The following BCR variants were observed in gnomAD, a reference collection of about 807,000 sequenced individuals.
BCR encodes breakpoint cluster region protein.
BCR carries 58 observed loss-of-function variants against 138.6 expected under a neutral mutation model. The observed-to-expected ratio is 0.42, with a 90% CI of 0.34 to 0.52. BCR has a LOEUF of 0.52. Ranked by LOEUF, BCR falls within the 20% of genes least tolerant of loss-of-function variation. The pLI is 0.06. For synonymous variants in BCR, 786 were observed against 730.1 expected (o/e 1.08, Z -1.23); for missense variants, 1,599 against 1,727.2 (o/e 0.93, Z 1.32).
At chr22:23,215,872 G>A (rs1347961422) in intron 1 of BCR, among the ~76,000 whole-genome samples, 18 of 152,328 alleles carry the variant, frequency 1.2e-4, no homozygotes. Flanking sequence ...TAGGGGACCA[G>A]TTAATCCAGG....
intron 1 of BCR, among the ~76,000 whole-genome samples, chr22:23,215,922 C>A (rs2072746622): frequency 6.6e-6 from 1 of 152,176 alleles, no homozygotes; most frequent in Non-Finnish European, 1.5e-5. Flanking sequence ...TTCCCCTTTC[C>A]TGTAAACATG....
At chr22:23,248,467 G>A (rs1325141878) in intron 1 of BCR, among the ~76,000 whole-genome samples, 1 of 151,994 alleles carries the variant, frequency 6.6e-6, no homozygotes, top group Non-Finnish European at 1.5e-5. Flanking sequence ...GTAGTCTAGG[G>A]GATGTGACCG....
intron 1 of BCR, among the ~76,000 whole-genome samples, chr22:23,237,680 C>T (rs1452267285): frequency 6.6e-6 from 1 of 152,198 alleles, no homozygotes; most frequent in Non-Finnish European, 1.5e-5. Flanking sequence ...GTGGCCTTTG[C>T]AGTGGGTCAG....
At chr22:23,233,299 C>G (rs1435432180) in intron 1 of BCR, among the ~76,000 whole-genome samples, 1 of 152,222 alleles carries the variant, frequency 6.6e-6, no homozygotes, top group South Asian at 2.1e-4. Context: ...TCCTGCCGGC[C>G]TTTCTCCTGG....
At chr22:23,290,687 G>GTTTGGCAAGGAC in intron 14 of BCR, 1 of 466,792 alleles carries the variant, frequency 2.1e-6, no homozygotes, top group Non-Finnish European at 4.0e-6. Context: ...AATTGCAGGG[G>GTTTGGCAAGGAC]TTTGGCAAGG....
rs544477058 is a variant in BCR at position 23,252,072 on chromosome 22, A to G, written c.1280-1727A>G. On this transcript the variant is annotated intron_variant, in intron 1 of 22. Transcript: ENST00000305877. ...TTACTCTGTATAACCAGATAGTCCC[A>G]ACAGGCAGGGGGCCTCTTGTAGGAT... Among the ~76,000 whole-genome samples, 6 of 152,336 alleles carry G rather than the reference A, an allele frequency of 3.9e-5. No individual in the cohort carries two copies. In the East Asian group the frequency reaches 1.2e-3, roughly 29 times the overall value.
chr22:23,186,457 C>T (rs2146195556), intron 1 of BCR, among the ~76,000 whole-genome samples: 1 of 152,348 alleles, frequency 6.6e-6, no homozygotes, highest in African/African-American at 2.4e-5. Context: ...GTGTTGACTA[C>T]ATTCACATTG....
intron 22 of BCR, 120 bp from the exon 23 acceptor site, chr22:23,315,313 C>T: frequency 3.7e-6 from 3 of 805,732 alleles, no homozygotes; most frequent in South Asian, 2.9e-5. Context: ...GGGTTCATGA[C>T]ACCAGCAGGG....
intron 1 of BCR, among the ~76,000 whole-genome samples, chr22:23,212,985 A>G (rs996179189): frequency 4.6e-5 from 7 of 152,182 alleles, no homozygotes; most frequent in Non-Finnish European, 1.0e-4. Flanking sequence ...CTCAAAAAGG[A>G]CAAGGACTGG....
intron 16 of BCR, among the ~76,000 whole-genome samples, chr22:23,301,705 C>T (rs2073903771): frequency 6.6e-6 from 1 of 152,248 alleles, no homozygotes; most frequent in African/African-American, 2.4e-5. Context: ...TCCTTTCCAG[C>T]TTCTCTGATC....
At chr22:23,300,879 C>G (rs903702687) in intron 16 of BCR, among the ~76,000 whole-genome samples, 3 of 152,184 alleles carry the variant, frequency 2.0e-5, no homozygotes, top group African/African-American at 7.2e-5. Flanking sequence ...CTCTGATGCC[C>G]CCACTGGAAC....
intron 1 of BCR, among the ~76,000 whole-genome samples, chr22:23,207,206 A>G (rs2072628104): frequency 6.6e-6 from 1 of 152,154 alleles, no homozygotes; most frequent in Non-Finnish European, 1.5e-5. Context: ...AGGAACCCAT[A>G]GACATATATT....
At chr22:23,244,588 G>A (rs973430740) in intron 1 of BCR, among the ~76,000 whole-genome samples, 2 of 152,158 alleles carry the variant, frequency 1.3e-5, no homozygotes, top group African/African-American at 4.8e-5. Flanking sequence ...TGATGCCCAC[G>A]TCACGTGACT....
chr22:23,223,567 CT>C (rs1278794736), intron 1 of BCR, among the ~76,000 whole-genome samples: 1 of 152,172 alleles, frequency 6.6e-6, no homozygotes, highest in African/African-American at 2.4e-5. Flanking sequence ...ATCAGCCCCC[CT>C]ATTCTGGCTG....
chr22:23,311,604 C>G (rs2074008389), intron 18 of BCR, 93 bp from the exon 19 acceptor site: 2 of 1,138,810 alleles, frequency 1.8e-6, no homozygotes, highest in Admixed American at 2.0e-5. Context: ...CCGTCCTCAC[C>G]CCACCTCCGG....
intron 1 of BCR, among the ~76,000 whole-genome samples, chr22:23,229,095 A>G (rs139911499): frequency 2.6e-5 from 4 of 152,192 alleles, no homozygotes; most frequent in East Asian, 3.9e-4. Context: ...GATAATTTCT[A>G]TTGATCTATC....
rs2072241399 is a variant in BCR at position 23,180,971 on chromosome 22, C to T, written c.11C>T (p.Pro4Leu). MVD[P>L]VGFAEAWKAQ... is the part of the protein sequence containing the mutation. ...AAGGCCGGCCGCGCCATGGTGGACC[C>T]GGTGGGCTTCGCGGAGGCGTGGAAG... Residue 4 changes from proline to leucine, a missense_variant, in exon 1 of 23, where the codon CCG (proline) becomes CTG (leucine). This residue lies in a region of BCR where 806 missense variants were observed against 635.0 expected (regional missense o/e 1.27). Transcript: ENST00000305877. 2.1e-6 allele frequency: 3 copies of T among 1,396,620 alleles called. No individual in the cohort carries two copies. Among genetic ancestry groups the T allele is most frequent in the South Asian group, 1.6e-5 (1 of 62,166 alleles). 86.5% of individuals were successfully genotyped at this position (1,396,620 alleles called of 1,614,324 possible). A position where few individuals can be genotyped will look rare whatever the true frequency, so the allele number is the denominator to read the frequency against.
At chr22:23,258,694 A>G (rs1019040137) in intron 2 of BCR, among the ~76,000 whole-genome samples, 4 of 152,084 alleles carry the variant, frequency 2.6e-5, no homozygotes, top group Middle Eastern at 3.2e-3. Flanking sequence ...CTCACATACG[A>G]TAGGTAGAGG....
intron 1 of BCR, among the ~76,000 whole-genome samples, chr22:23,237,064 C>T (rs2073035222): frequency 6.6e-6 from 1 of 152,198 alleles, no homozygotes; most frequent in Non-Finnish European, 1.5e-5. Context: ...CACGGTTCTC[C>T]CAGGATCGTG....
Sources: gnomAD v4.1 joint callset for allele counts (sites outside exome capture counted in the v4.1 genomes callset) on GRCh38, gnomAD v4.1.1 for gene constraint, gnomAD v4.1.1 regional missense constraint, MANE v1.5 for transcripts, NCBI Gene and HGNC (gene_info 2026-07-23, HGNC 2026-07-21) for gene names.